PPFIBP2: variants seen among roughly 807,000 people sequenced by gnomAD.
PPFIBP2 encodes PPFIB scaffold protein 2.
A neutral mutation model predicts 118.3 loss-of-function variants in PPFIBP2; 118 were observed. The ratio of observed to expected loss-of-function variants is 1.00; its 90% CI spans 0.86 to 1.16. The LOEUF (loss-of-function observed/expected upper bound fraction) is 1.16, where lower values mean the gene tolerates loss of function less well. Ranked by LOEUF, PPFIBP2 falls within the 50% of genes most tolerant of loss-of-function variation. The pLI, the probability that PPFIBP2 is intolerant of heterozygous loss-of-function variation, is 0.00. For missense variants in PPFIBP2, 1,195 were observed against 1,073.1 expected (o/e 1.11, Z -1.59); for synonymous variants, 414 against 397.4 (o/e 1.04, Z -0.50).
intron 2 of PPFIBP2, among the ~76,000 whole-genome samples, chr11:7,563,712 TCCA>T (rs1299641642): frequency 6.6e-6 from 1 of 152,192 alleles, no homozygotes; most frequent in Non-Finnish European, 1.5e-5. Context: ...CCCTAGAAAT[TCCA>T]CCACCTAAAC....
downstream of PPFIBP2, among the ~76,000 whole-genome samples, chr11:7,660,460 C>T (rs1188096234): frequency 3.4e-5 from 5 of 148,494 alleles, 1 homozygote; most frequent in African/African-American, 4.9e-5. Context: ...TATTGATTTG[C>T]GTCTATTAAA....
In PPFIBP2 at chr11:7,641,638, A is replaced by G; in HGVS notation, c.1517+18A>G. ...TGGGGAAAGTAAGTTGGTGCCGTTG[A>G]TCCTAATTATATTGCTTAGAATTTT... On this transcript the variant is annotated intron_variant, in intron 16 of 23. Coordinates refer to ENST00000299492, the MANE Select transcript of PPFIBP2 (RefSeq NM_003621.5). 1.2e-6 allele frequency: 2 copies of G among 1,612,278 alleles called. No homozygotes were observed. Among genetic ancestry groups the G allele is most frequent in the South Asian group, 2.2e-5 (2 of 90,958 alleles).
At chr11:7,543,580 G>T (rs940794870) in intron 1 of PPFIBP2, among the ~76,000 whole-genome samples, 3 of 152,198 alleles carry the variant, frequency 2.0e-5, no homozygotes, top group African/African-American at 7.2e-5. Context: ...TCTGTTCCTA[G>T]TTCATTTCAG....
At chr11:7,529,071 G>A (rs1417773639) in intron 1 of PPFIBP2, among the ~76,000 whole-genome samples, 2 of 152,032 alleles carry the variant, frequency 1.3e-5, no homozygotes, top group African/African-American at 2.4e-5. Context: ...AGTAACCACT[G>A]AGAAGACAGA....
Position 7,653,044 on chromosome 11 carries a change from A to G in PPFIBP2, c.2457A>G (p.Ser819=), listed in dbSNP as rs779521068. The change falls in exon 24 of 24, where the codon TCA becomes TCG. Residue 819 remains serine, a synonymous_variant. Coordinates refer to ENST00000299492, the MANE Select transcript of PPFIBP2 (RefSeq NM_003621.5). ...AKVRPRKLGF[S]HFGNIRKKKF... is the part of the protein sequence containing the mutation. ...TTTAGCCAAGGAAACTAGGATTTTCACACTTCGGAAACATAAGAAAAAAGA... is the reference window on the plus strand; with the variant it reads ...TTTAGCCAAGGAAACTAGGATTTTCGCACTTCGGAAACATAAGAAAAAAGA... 6.2e-7 allele frequency: 1 copy of G among 1,610,098 alleles called. No individual in the cohort carries two copies. Among genetic ancestry groups the G allele is most frequent in the Non-Finnish European group, 8.5e-7 (1 of 1,177,226 alleles).
chr11:7,550,488 G>T (rs1416566314), intron 2 of PPFIBP2, among the ~76,000 whole-genome samples: 1 of 152,170 alleles, frequency 6.6e-6, no homozygotes, highest in Non-Finnish European at 1.5e-5. Context: ...GGGAGAGTAT[G>T]CCTGTGTCTT....
At chr11:7,533,778 C>T (rs749413634) in intron 1 of PPFIBP2, among the ~76,000 whole-genome samples, 5 of 152,164 alleles carry the variant, frequency 3.3e-5, no homozygotes, top group African/African-American at 7.2e-5. Flanking sequence ...GAGGGTAGGA[C>T]GTGGTCCAGT....
intron 6 of PPFIBP2, among the ~76,000 whole-genome samples, chr11:7,618,434 C>A (rs1181963655): frequency 6.6e-6 from 1 of 152,146 alleles, no homozygotes; most frequent in African/African-American, 2.4e-5. Flanking sequence ...CAGTGGCAGC[C>A]CCTCAGGCAG....
chr11:7,549,423 T>C lies in PPFIBP2; in HGVS notation c.-36-17T>C, dbSNP rs751908063. 2 of 1,549,396 alleles carry C rather than the reference T, an allele frequency of 1.3e-6. No homozygotes were observed. The highest frequency in any genetic ancestry group is 2.0e-5 in the Admixed American group (1 of 50,986). Reference sequence around the variant, plus strand: ...ACTCTCTGTAATTTTTCCTTTGTTCTGTATTTGAATTTTCAGTAAGAAGAG... The same window carrying C: ...ACTCTCTGTAATTTTTCCTTTGTTCCGTATTTGAATTTTCAGTAAGAAGAG... On this transcript the variant is annotated splice_polypyrimidine_tract_variant and intron_variant, in intron 1 of 23. Transcript: ENST00000299492.
At chr11:7,623,239 C>T (rs928071865) in intron 7 of PPFIBP2, among the ~76,000 whole-genome samples, 3 of 152,216 alleles carry the variant, frequency 2.0e-5, no homozygotes, top group African/African-American at 7.2e-5. Context: ...GGGGATTCAT[C>T]TCCCAGTGCA....
chr11:7,666,480 A>C, the PPFIBP2 span: 1 of 1,613,104 alleles, frequency 6.2e-7, no homozygotes, highest in African/African-American at 1.3e-5. Flanking sequence ...GGTGTACCAC[A>C]GGTTGAACTG....
intron 5 of PPFIBP2, chr11:7,605,750 G>C: frequency 7.4e-7 from 1 of 1,354,938 alleles, no homozygotes; most frequent in South Asian, 2.0e-5. Context: ...GAAATTAGAG[G>C]TTGAGTGAGC....
In PPFIBP2 at chr11:7,634,680, G is replaced by A. The variant is rs933035898; in HGVS notation, c.1194+128G>A. 4.9e-5 allele frequency: 35 copies of A among 714,864 alleles called. No individual in the cohort carries two copies. In the South Asian group the frequency reaches 5.5e-4, roughly 11 times the overall value. 44.3% of individuals were successfully genotyped at this position (714,864 alleles called of 1,614,324 possible). On this transcript the variant is annotated intron_variant, in intron 13 of 23. Coordinates refer to ENST00000299492, the MANE Select transcript of PPFIBP2 (RefSeq NM_003621.5). ...TTTTATAAAGTTGTAGAGGAAGCAG[G>A]AATTACATGAACATTTTGAGAAAAT...
At chr11:7,577,814 T>G (rs917245024) in intron 3 of PPFIBP2, among the ~76,000 whole-genome samples, 2 of 152,136 alleles carry the variant, frequency 1.3e-5, no homozygotes, top group African/African-American at 4.8e-5. Context: ...GAGAAAACAG[T>G]CAGCTGTCTT....
intron 3 of PPFIBP2, chr11:7,576,513 C>T (rs963096868): frequency 6.6e-6 from 1 of 152,408 alleles, no homozygotes; most frequent in Non-Finnish European, 1.5e-5. Flanking sequence ...AGCTGCAGCT[C>T]CAGGTCTCCG....
chr11:7,514,879 C>T lies in PPFIBP2; in HGVS notation c.-37+758C>T, dbSNP rs978563305. Among the ~76,000 whole-genome samples, 3 of 152,208 alleles carry T rather than the reference C, an allele frequency of 2.0e-5. No individual in the cohort carries two copies. In the East Asian group the frequency reaches 5.8e-4, roughly 29 times the overall value. ...TCTAATTATATTTTTACTTTTAGAG[C>T]AGCCAGATATTTGGTATAGATCCGT... is the stretch of plus-strand genomic sequence containing the variant. On this transcript the variant is annotated intron_variant, in intron 1 of 23. Coordinates refer to ENST00000299492, the MANE Select transcript of PPFIBP2 (RefSeq NM_003621.5).
chr11:7,662,727 A>G, the PPFIBP2 span, among the ~76,000 whole-genome samples: 1 of 150,662 alleles, frequency 6.6e-6, no homozygotes, highest in African/African-American at 2.4e-5. Context: ...CTCCTGGATA[A>G]TATCCTGCAG....
chr11:7,597,458 A>T (rs932959167), intron 4 of PPFIBP2, 102 bp from the exon 5 acceptor site: 9 of 1,533,194 alleles, frequency 5.9e-6, no homozygotes, highest in Non-Finnish European at 6.2e-6. Context: ...CACTGTGTGT[A>T]AGAGTCAGTG....
chr11:7,666,276 C>CGATG, the PPFIBP2 span: 1 of 605,812 alleles, frequency 1.7e-6, no homozygotes, highest in Non-Finnish European at 3.0e-6. Context: ...AGCAGGCCAT[C>CGATG]CCAAATCCTT....
Sources: allele counts gnomAD v4.1 joint callset (sites outside exome capture counted in the v4.1 genomes callset), GRCh38; gene constraint gnomAD v4.1.1; transcripts MANE v1.5; gene names NCBI Gene and HGNC (gene_info 2026-07-23, HGNC 2026-07-21).